ADCY2: variants seen among roughly 807,000 people sequenced by gnomAD.
The protein encoded by ADCY2 is adenylate cyclase type 2.
Under a neutral mutation model 125.2 loss-of-function variants are expected in ADCY2, and 31 were observed. The observed-to-expected ratio is 0.25, with a 90% CI of 0.19 to 0.33. ADCY2 has a LOEUF of 0.33. ADCY2 is among the 10% of genes least tolerant of loss of function. ADCY2 has a pLI of 1.00. For synonymous variants in ADCY2, 512 were observed against 548.4 expected (o/e 0.93, Z 0.93); for missense variants, 904 against 1,418.2 (o/e 0.64, Z 5.82).
chr5:7,453,066 G>A (rs1020208292), intron 2 of ADCY2, among the ~76,000 whole-genome samples: 1 of 152,126 alleles, frequency 6.6e-6, no homozygotes, highest in African/African-American at 2.4e-5. Context: ...TTACTCTGAT[G>A]ATTATTTCTT....
At chr5:7,783,262 A>G (rs184352979) in intron 18 of ADCY2, among the ~76,000 whole-genome samples, 3 of 152,152 alleles carry the variant, frequency 2.0e-5, no homozygotes, top group Admixed American at 6.5e-5. Context: ...GTTAAAAATC[A>G]CAAGTATCAT....
At chr5:7,445,796 T>C (rs1424745073) in intron 2 of ADCY2, among the ~76,000 whole-genome samples, 6 of 152,222 alleles carry the variant, frequency 3.9e-5, no homozygotes, top group African/African-American at 1.4e-4. Context: ...CATATTTTTG[T>C]TTTAAATTGG....
Position 7,764,563 on chromosome 5 carries a change from A to G in ADCY2, c.2095-2124A>G, listed in dbSNP as rs74960529. Among the ~76,000 whole-genome samples the G allele has an allele frequency of 9.1e-3, 1,384 of 152,328 alleles. 16 individuals are homozygous for G. The highest frequency in any genetic ancestry group is 0.032 in the African/African-American group (1,330 of 41,560). On this transcript the variant is annotated intron_variant, in intron 16 of 24. Transcript: ENST00000338316. ...CAATTTAATGTGATTCGAAAAATGT[A>G]ATTCTGATATGTTTTAAATTGCCTG...
chr5:7,406,608 C>T (rs914296146), intron 1 of ADCY2, among the ~76,000 whole-genome samples: 20 of 152,146 alleles, frequency 1.3e-4, no homozygotes, highest in African/African-American at 4.6e-4. Context: ...TGAATCTTCC[C>T]CGGGAGGTCC....
At chr5:7,570,060 G>A (rs900845703) in intron 3 of ADCY2, among the ~76,000 whole-genome samples, 1 of 152,022 alleles carries the variant, frequency 6.6e-6, no homozygotes. Flanking sequence ...ACTAGATTAA[G>A]GTCACACAAT....
intron 1 of ADCY2, among the ~76,000 whole-genome samples, chr5:7,404,842 G>C (rs1579408787): frequency 6.6e-6 from 1 of 152,088 alleles, no homozygotes; most frequent in South Asian, 2.1e-4. Context: ...TCCGTTGAAG[G>C]TTTGCTCACT....
At chr5:7,514,772 G>A (rs1425847959) in intron 2 of ADCY2, among the ~76,000 whole-genome samples, 2 of 152,212 alleles carry the variant, frequency 1.3e-5, no homozygotes, top group African/African-American at 4.8e-5. Flanking sequence ...ACACATGGGA[G>A]CAAGGCCATG....
chr5:7,685,946 A>G (rs1009752852), intron 4 of ADCY2, among the ~76,000 whole-genome samples: 1 of 152,208 alleles, frequency 6.6e-6, no homozygotes. Flanking sequence ...TTTCTTTTAG[A>G]AGGAGAAAAA....
At chr5:7,562,899 C>G (rs1183216636) in intron 3 of ADCY2, among the ~76,000 whole-genome samples, 1 of 152,148 alleles carries the variant, frequency 6.6e-6, no homozygotes, top group African/African-American at 2.4e-5. Flanking sequence ...ATATTAGGTT[C>G]TCATTTCAGT....
At chr5:7,782,020 C>T (rs1226014881) in intron 18 of ADCY2, among the ~76,000 whole-genome samples, 1 of 152,166 alleles carries the variant, frequency 6.6e-6, no homozygotes, top group Non-Finnish European at 1.5e-5. Flanking sequence ...CAAGTGAAAT[C>T]CAGAAAAGCC....
chr5:7,545,097 C>T (rs961266009), intron 3 of ADCY2, among the ~76,000 whole-genome samples: 1 of 152,180 alleles, frequency 6.6e-6, no homozygotes, highest in African/African-American at 2.4e-5. Flanking sequence ...CCAGTGACAT[C>T]TGACCCGTCA....
At chr5:7,585,738 G>A (rs1736606723) in intron 3 of ADCY2, among the ~76,000 whole-genome samples, 1 of 152,134 alleles carries the variant, frequency 6.6e-6, no homozygotes, top group African/African-American at 2.4e-5. Flanking sequence ...TCAGCATTTA[G>A]GATTATGGCA....
intron 2 of ADCY2, among the ~76,000 whole-genome samples, chr5:7,507,826 T>A (rs541974865): frequency 1.2e-4 from 19 of 152,300 alleles, no homozygotes; most frequent in African/African-American, 4.6e-4. Flanking sequence ...TATGTATGAA[T>A]AATGTTCGAC....
chr5:7,474,750 G>A (rs1347587392), intron 2 of ADCY2, among the ~76,000 whole-genome samples: 2 of 152,248 alleles, frequency 1.3e-5, no homozygotes, highest in African/African-American at 4.8e-5. Flanking sequence ...AGCACACTGG[G>A]AAGTGGCTGG....
chr5:7,404,783 G>C (rs959803381), intron 1 of ADCY2, among the ~76,000 whole-genome samples: 1 of 152,144 alleles, frequency 6.6e-6, no homozygotes, highest in African/African-American at 2.4e-5. Flanking sequence ...GTGGTGGCTC[G>C]TCCTTGCCCC....
At chr5:7,768,984 G>A (rs1223911119) in intron 17 of ADCY2, among the ~76,000 whole-genome samples, 1 of 152,200 alleles carries the variant, frequency 6.6e-6, no homozygotes, top group African/African-American at 2.4e-5. Flanking sequence ...CATTTTGTGA[G>A]TGTGTGCCAA....
chr5:7,411,665 G>C (rs1739721999), intron 1 of ADCY2, among the ~76,000 whole-genome samples: 1 of 152,044 alleles, frequency 6.6e-6, no homozygotes, highest in African/African-American at 2.4e-5. Context: ...TTTTAAAAAA[G>C]AGAGAGAAAA....
At chr5:7,816,175 G>GC (rs1401071360) in intron 22 of ADCY2, among the ~76,000 whole-genome samples, 5 of 152,196 alleles carry the variant, frequency 3.3e-5, no homozygotes, top group African/African-American at 1.2e-4. Flanking sequence ...TATGAACTTG[G>GC]AGGGACACAA....
At chr5:7,433,120 C>T (rs535194655) in intron 2 of ADCY2, among the ~76,000 whole-genome samples, 4 of 152,262 alleles carry the variant, frequency 2.6e-5, no homozygotes, top group South Asian at 2.1e-4. Context: ...CGCCAAAAAA[C>T]GTGTCCAGGC....
Sources: gnomAD v4.1 joint callset for allele counts (sites outside exome capture counted in the v4.1 genomes callset) on GRCh38, gnomAD v4.1.1 for gene constraint, MANE v1.5 for transcripts, NCBI Gene and HGNC (gene_info 2026-07-23, HGNC 2026-07-21) for gene names.